SLAMF1: variants seen among roughly 807,000 people sequenced by gnomAD.
The protein encoded by SLAMF1 is signaling lymphocytic activation molecule family member 1.
A neutral mutation model predicts 35.1 loss-of-function variants in SLAMF1; 18 were observed. The ratio of observed to expected loss-of-function variants is 0.51; its 90% CI spans 0.35 to 0.76. SLAMF1 has a LOEUF of 0.76. Among genes scored for constraint, SLAMF1 ranks in the 30% least tolerant of loss-of-function variants. SLAMF1 has a pLI of 0.01. For synonymous variants in SLAMF1, 168 were observed against 157.2 expected (o/e 1.07, Z -0.51); for missense variants, 392 against 413.0 (o/e 0.95, Z 0.44).
At chr1:160,614,893 T>C (rs1259514961) in intron 5 of SLAMF1, among the ~76,000 whole-genome samples, 2 of 152,196 alleles carry the variant, frequency 1.3e-5, no homozygotes, top group Admixed American at 1.3e-4. Flanking sequence ...CACTGATTTG[T>C]ACATCTTTAG....
chr1:160,639,791 G>A (rs1436319374), intron 1 of SLAMF1, among the ~76,000 whole-genome samples: 3 of 151,874 alleles, frequency 2.0e-5, no homozygotes, highest in Non-Finnish European at 2.9e-5. Flanking sequence ...TTATTGATAT[G>A]GCTTCAAAGG....
rs1161318410 is a variant in SLAMF1, at chr1:160,642,567, A to G, written c.76+4303T>C. On this transcript the variant is annotated intron_variant, in intron 1 of 6. Transcript: ENST00000302035. The surrounding 1 kb of genome is among the most constrained non-coding windows in gnomAD (Gnocchi z 4.2). ...TATCCCTAACACCCACCTGGGACAT[A>G]GTAGGAGCTCAGTAAATCCTTGTTG... Among the ~76,000 whole-genome samples, 2 of 152,214 alleles carry G rather than the reference A, an allele frequency of 1.3e-5. No individual in the cohort carries two copies. Among genetic ancestry groups the G allele is most frequent in the African/African-American group, 2.4e-5 (1 of 41,466 alleles).
intron 3 of SLAMF1, among the ~76,000 whole-genome samples, chr1:160,624,728 T>C (rs991664127): frequency 6.6e-6 from 1 of 152,216 alleles, no homozygotes; most frequent in Non-Finnish European, 1.5e-5. Context: ...GAAAGGAAAG[T>C]ATTTAGTCTT....
chr1:160,643,160 G>A (rs1203314822), intron 1 of SLAMF1, among the ~76,000 whole-genome samples: 4 of 152,048 alleles, frequency 2.6e-5, no homozygotes, highest in Non-Finnish European at 5.9e-5. Flanking sequence ...TATAAAAGAG[G>A]GAGGAGGCAG....
chr1:160,635,940 A>C (rs1384691975), intron 2 of SLAMF1, among the ~76,000 whole-genome samples: 1 of 152,144 alleles, frequency 6.6e-6, no homozygotes, highest in Non-Finnish European at 1.5e-5. Context: ...TAGATGAGAA[A>C]GCCAAGTCCC....
intron 5 of SLAMF1, among the ~76,000 whole-genome samples, chr1:160,619,060 A>G (rs1338006745): frequency 1.3e-5 from 2 of 152,126 alleles, no homozygotes; most frequent in African/African-American, 4.8e-5. Flanking sequence ...TTACCTTCAC[A>G]TCCTTTACTC....
intron 5 of SLAMF1, 57 bp downstream of exon 5, chr1:160,619,719 G>T: frequency 2.7e-6 from 3 of 1,118,880 alleles, no homozygotes; most frequent in South Asian, 1.2e-5. Context: ...AGGTAGACTG[G>T]CCAGGAATAC....
intron 4 of SLAMF1, among the ~76,000 whole-genome samples, chr1:160,621,873 T>C (rs1659633395): frequency 2.0e-5 from 3 of 151,482 alleles, no homozygotes; most frequent in Admixed American, 2.0e-4. Flanking sequence ...TGTGTGTGTG[T>C]GTGTGTGTGT....
At chr1:160,619,885 G>A (rs1360328257) in intron 4 of SLAMF1, 36 bp from the exon 5 acceptor site, 3 of 1,425,830 alleles carry the variant, frequency 2.1e-6, no homozygotes, top group East Asian at 4.6e-5. Flanking sequence ...ATCTCCCTCT[G>A]GTCCCCAGCA....
chr1:160,640,635 C>T (rs1414545201), intron 1 of SLAMF1, among the ~76,000 whole-genome samples: 1 of 151,936 alleles, frequency 6.6e-6, no homozygotes, highest in Non-Finnish European at 1.5e-5. Flanking sequence ...CCCAAATATT[C>T]TTGTCACCAA....
chr1:160,635,276 A>G (rs1188483622), intron 2 of SLAMF1, among the ~76,000 whole-genome samples: 3 of 152,138 alleles, frequency 2.0e-5, no homozygotes, highest in African/African-American at 7.2e-5. Flanking sequence ...GACCTAAAAG[A>G]ATGGCTTTTT....
intron 4 of SLAMF1, among the ~76,000 whole-genome samples, chr1:160,623,302 C>A (rs1659715256): frequency 6.6e-6 from 1 of 152,170 alleles, no homozygotes; most frequent in Non-Finnish European, 1.5e-5. Flanking sequence ...ATCCCTCCTA[C>A]CTGGCTAACT....
chr1:160,628,840 A>G (rs568627733), intron 3 of SLAMF1, among the ~76,000 whole-genome samples: 5 of 152,360 alleles, frequency 3.3e-5, no homozygotes, highest in African/African-American at 1.2e-4. Context: ...CAATAACAAG[A>G]TGGAGCCAGG....
At chr1:160,627,854 G>T (rs1272507443) in intron 3 of SLAMF1, among the ~76,000 whole-genome samples, 1 of 152,142 alleles carries the variant, frequency 6.6e-6, no homozygotes, top group Non-Finnish European at 1.5e-5. Context: ...ATCTCACCTT[G>T]AATTGTAATA....
intron 3 of SLAMF1, 138 bp downstream of exon 3, chr1:160,634,475 G>T: frequency 7.2e-7 from 1 of 1,395,542 alleles, no homozygotes. Flanking sequence ...AATGCACATG[G>T]TAAACTTTTG....
intron 4 of SLAMF1, 109 bp downstream of exon 4, chr1:160,623,987 G>A (rs1228965185): frequency 1.3e-5 from 9 of 719,336 alleles, no homozygotes; most frequent in Admixed American, 2.6e-5. Context: ...TGCAAAGGTG[G>A]CCCCATGCAG....
chr1:160,634,741 G>C lies in SLAMF1; in HGVS notation c.572C>G (p.Ser191Cys). The change falls in exon 3 of 7, where the codon TCC (serine) becomes TGC (cysteine). Residue 191 changes from serine to cysteine, a missense_variant. Physicochemically the swap from Ser to Cys is moderately radical, Grantham distance 112 (BLOSUM62 -1). Transcript: ENST00000302035. ...GTHPLNPANS[S>C]HLLSLTLGPQ... ...GCCGAGGGTGAGGGACAGGAGGTGG[G>C]AGCTGTTGGCTGGGTTCAGTGGGTG... The C allele has an allele frequency of 6.2e-7, 1 of 1,614,198 alleles. No homozygotes were observed. The highest frequency in any genetic ancestry group is 1.1e-5 in the South Asian group (1 of 91,084).
chr1:160,623,996 A>G, intron 4 of SLAMF1, 100 bp downstream of exon 4: 1 of 796,884 alleles, frequency 1.3e-6, no homozygotes, highest in Non-Finnish European at 2.1e-6. Context: ...GGCCCCATGC[A>G]GAAAGCCAGA....
In SLAMF1 at chr1:160,642,494, C is replaced by T. The variant is rs1359730914; in HGVS notation, c.76+4376G>A. ...GGTTCAATGCCTGTAATCCCCCACT[C>T]TTATAAGCTTCCAAGAGTAGGGACT... On this transcript the variant is annotated intron_variant, in intron 1 of 6. Transcript: ENST00000302035. This position sits in a 1 kb window ranked among gnomAD's most constrained non-coding sequence, Gnocchi z 4.2. Among the ~76,000 whole-genome samples, 1 of 152,218 alleles carries T rather than the reference C, an allele frequency of 6.6e-6. No homozygotes were observed. The highest frequency in any genetic ancestry group is 1.5e-5 in the Non-Finnish European group (1 of 68,038).
Sources: gnomAD v4.1 joint callset for allele counts (sites outside exome capture counted in the v4.1 genomes callset) on GRCh38, gnomAD v4.1.1 for gene constraint, Gnocchi (gnomAD v3.1) non-coding constraint, MANE v1.5 for transcripts, NCBI Gene and HGNC (gene_info 2026-07-23, HGNC 2026-07-21) for gene names.